MDGA2: variants seen among roughly 807,000 people sequenced by gnomAD.
MDGA2 encodes the protein MAM domain-containing glycosylphosphatidylinositol anchor protein 2.
Under a neutral mutation model 117.8 loss-of-function variants are expected in MDGA2, and 40 were observed. The ratio of observed to expected loss-of-function variants is 0.34; its 90% CI spans 0.26 to 0.44. The LOEUF is 0.44. MDGA2 is among the 20% of genes least tolerant of loss of function. MDGA2 has a pLI of 1.00. For synonymous variants in MDGA2, 452 were observed against 439.0 expected, an observed-to-expected ratio of 1.03 and a Z score of -0.37; for missense variants, 1,123 against 1,250.6, an observed-to-expected ratio of 0.90 and a Z score of 1.54.
At chr14:46,915,768 C>T (rs1323515225) in intron 10 of MDGA2, among the ~76,000 whole-genome samples, 1 of 152,056 alleles carries the variant, frequency 6.6e-6, no homozygotes, top group Non-Finnish European at 1.5e-5. Flanking sequence ...TAAGGAACTG[C>T]GGGGGACATG....
chr14:47,653,352 T>C (rs570051511), intron 1 of MDGA2, among the ~76,000 whole-genome samples: 7 of 152,116 alleles, frequency 4.6e-5, no homozygotes, highest in Non-Finnish European at 8.8e-5. Flanking sequence ...TGTAATTCTG[T>C]CTTCTCTAGG....
chr14:47,632,367 T>C (rs1182681401), intron 1 of MDGA2, among the ~76,000 whole-genome samples: 2 of 152,218 alleles, frequency 1.3e-5, no homozygotes, highest in Non-Finnish European at 2.9e-5. Context: ...TCCTTAAATA[T>C]GTCTTCTTGA....
chr14:47,406,390 T>C (rs537759441), intron 1 of MDGA2, among the ~76,000 whole-genome samples: 4 of 152,034 alleles, frequency 2.6e-5, no homozygotes, highest in African/African-American at 9.7e-5. Context: ...ACTGACAATA[T>C]GGTAACTATG....
intron 2 of MDGA2, among the ~76,000 whole-genome samples, chr14:47,258,269 G>A (rs372839227): frequency 1.3e-5 from 2 of 152,134 alleles, no homozygotes; most frequent in African/African-American, 4.8e-5. Context: ...AAAGAAAAGA[G>A]GTTTAATTGG....
At chr14:46,849,111 TGATAAA>T (rs1428653404) in intron 15 of MDGA2, among the ~76,000 whole-genome samples, 1 of 152,028 alleles carries the variant, frequency 6.6e-6, no homozygotes, top group Non-Finnish European at 1.5e-5. Flanking sequence ...TTTATTGGTA[TGATAAA>T]GATAATTTCT....
At chr14:47,625,997 A>G (rs1897132673) in intron 1 of MDGA2, among the ~76,000 whole-genome samples, 1 of 152,178 alleles carries the variant, frequency 6.6e-6, no homozygotes, top group East Asian at 1.9e-4. Context: ...ATTCCAAGTT[A>G]CTGTTTTCCT....
At chr14:47,173,042 G>T (rs1254891717) in intron 3 of MDGA2, among the ~76,000 whole-genome samples, 3 of 152,060 alleles carry the variant, frequency 2.0e-5, no homozygotes, top group African/African-American at 7.3e-5. Context: ...TGGAAGAAAG[G>T]GTATCAGTGA....
intron 1 of MDGA2, among the ~76,000 whole-genome samples, chr14:47,534,740 C>G (rs1157517911): frequency 6.6e-6 from 1 of 152,196 alleles, no homozygotes; most frequent in African/African-American, 2.4e-5. Context: ...TGTCCTGGCA[C>G]TCTGAACCAA....
At chr14:47,595,149 G>T (rs1002868266) in intron 1 of MDGA2, among the ~76,000 whole-genome samples, 1 of 151,896 alleles carries the variant, frequency 6.6e-6, no homozygotes, top group Admixed American at 6.6e-5. Context: ...TACTATAAAG[G>T]CCTGTTGTAT....
In MDGA2 at chr14:47,359,464, G is replaced by A. The variant is rs79672192; in HGVS notation, c.281-57914C>T. Among the ~76,000 whole-genome samples, 1,488 of 152,000 alleles carry A rather than the reference G, an allele frequency of 9.8e-3. 25 individuals carry two copies. The highest frequency in any genetic ancestry group is 0.033 in the African/African-American group (1,367 of 41,460). On this transcript the variant is annotated intron_variant, in intron 1 of 16. Transcript: ENST00000399232. ...AACCAACACACAGACTAACACAACC[G>A]AATAAAGGGCCCAGAAACAAACTCA... is the stretch of plus-strand genomic sequence containing the variant.
intron 5 of MDGA2, among the ~76,000 whole-genome samples, chr14:47,105,411 C>T (rs1403089940): frequency 2.5e-4 from 38 of 151,700 alleles, no homozygotes; most frequent in African/African-American, 8.7e-4. Flanking sequence ...TTTCTCTGGG[C>T]TTGCCTCCTT....
chr14:47,222,658 A>C (rs1249238793), intron 2 of MDGA2, among the ~76,000 whole-genome samples: 2 of 152,102 alleles, frequency 1.3e-5, no homozygotes, highest in Non-Finnish European at 2.9e-5. Flanking sequence ...TCTTATGTCC[A>C]TTAAATATTT....
At chr14:47,032,498 C>A in intron 8 of MDGA2, among the ~76,000 whole-genome samples, 1 of 152,148 alleles carries the variant, frequency 6.6e-6, no homozygotes, top group Middle Eastern at 3.4e-3. Flanking sequence ...GAGGTGGAAG[C>A]ATTGGTTGAG....
At chr14:47,624,951 C>A (rs1205167681) in intron 1 of MDGA2, among the ~76,000 whole-genome samples, 1 of 152,112 alleles carries the variant, frequency 6.6e-6, no homozygotes, top group East Asian at 1.9e-4. Context: ...ATGGAACCTT[C>A]ATTTAGACTT....
At chr14:47,514,524 C>T (rs1894711466) in intron 1 of MDGA2, among the ~76,000 whole-genome samples, 2 of 152,108 alleles carry the variant, frequency 1.3e-5, no homozygotes, top group Admixed American at 6.6e-5. Flanking sequence ...TTCCATAAAT[C>T]ACAAACCTAT....
intron 8 of MDGA2, among the ~76,000 whole-genome samples, chr14:47,029,986 G>A (rs933804934): frequency 2.0e-5 from 3 of 151,382 alleles, no homozygotes; most frequent in African/African-American, 7.3e-5. Context: ...CACCACCACA[G>A]CCAGCTAATT....
At chr14:46,872,138 G>A (rs995469688) in intron 14 of MDGA2, among the ~76,000 whole-genome samples, 9 of 151,908 alleles carry the variant, frequency 5.9e-5, no homozygotes, top group African/African-American at 9.7e-5. Flanking sequence ...TTGAGGTTCA[G>A]TTTTCTCCAC....
intron 1 of MDGA2, among the ~76,000 whole-genome samples, chr14:47,476,603 G>GA (rs1893845610): frequency 1.3e-5 from 2 of 151,646 alleles, no homozygotes; most frequent in African/African-American, 2.4e-5. Flanking sequence ...ATAAATTTGT[G>GA]CCTAGAAAAA....
chr14:47,348,845 G>T (rs1168137175), intron 1 of MDGA2, among the ~76,000 whole-genome samples: 1 of 152,104 alleles, frequency 6.6e-6, no homozygotes, highest in Non-Finnish European at 1.5e-5. Context: ...AGTAGAAGAG[G>T]GAGTTAGTTT....
Sources: allele counts gnomAD v4.1 joint callset (sites outside exome capture counted in the v4.1 genomes callset), GRCh38; gene constraint gnomAD v4.1.1; transcripts MANE v1.5; gene names NCBI Gene and HGNC (gene_info 2026-07-23, HGNC 2026-07-21).